CCDC82: variants seen among roughly 807,000 people sequenced by gnomAD.
CCDC82 encodes coiled-coil domain-containing protein 82.
CCDC82 carries 47 observed loss-of-function variants against 60.6 expected under a neutral mutation model. That is an observed-to-expected ratio of 0.77 (90% CI 0.61 to 0.99). CCDC82 has a LOEUF of 0.99. CCDC82 is among the 50% of genes least tolerant of loss of function. The probability of loss-of-function intolerance (pLI) is 0.00; values close to 1 mark genes in which losing one functional copy is unlikely to be tolerated. For missense variants in CCDC82, 588 were observed against 633.0 expected (o/e 0.93, Z 0.76); for synonymous variants, 212 against 207.4 (o/e 1.02, Z -0.19).
chr11:96,360,245 C>G (rs1332677021), intron 8 of CCDC82, among the ~76,000 whole-genome samples: 1 of 148,494 alleles, frequency 6.7e-6, no homozygotes, highest in African/African-American at 2.5e-5. Flanking sequence ...CTTTTTCACC[C>G]AGGCTGGAGT....
chr11:96,385,505 A>ATG, intron 3 of CCDC82: 1 of 152,522 alleles, frequency 6.6e-6, no homozygotes. Context: ...AAATGACATA[A>ATG]AGAAGACAGC....
intron 5 of CCDC82, chr11:96,381,859 G>A (rs145764465): frequency 2.0e-5 from 3 of 151,826 alleles, no homozygotes; most frequent in African/African-American, 7.2e-5. Context: ...CATTTTCATT[G>A]ATGATGTAAA....
intron 5 of CCDC82, among the ~76,000 whole-genome samples, chr11:96,373,769 A>G (rs1485651259): frequency 6.6e-6 from 1 of 152,164 alleles, no homozygotes; most frequent in Non-Finnish European, 1.5e-5. Context: ...TCCCTTGCAC[A>G]CCTATATTTA....
Position 96,356,474 on chromosome 11 carries a change from C to T in CCDC82, c.1566+2519G>A, listed in dbSNP as rs931810013. 7.1e-6 allele frequency: 7 copies of T among 985,204 alleles called. No individual in the cohort carries two copies. The African/African-American group carries it at 1.2e-4, about 17-fold the overall frequency. The allele number at this position is 985,204 out of a possible 1,614,324, so 61.0% of individuals were successfully genotyped here. A position where few individuals can be genotyped will look rare whatever the true frequency, so the allele number is the denominator to read the frequency against. On this transcript the variant is annotated intron_variant, in intron 9 of 9. Coordinates refer to ENST00000646818, the MANE Select transcript of CCDC82 (RefSeq NM_024725.4). ...TTCTATTGACATGCTTTCTTTACTA[C>T]CTGGTGTTTATGCATCCACCAGCCA...
Position 96,359,051 on chromosome 11 carries a change from A to T in CCDC82, c.1508T>A (p.Val503Asp). 6.2e-7 allele frequency: 1 copy of T among 1,609,606 alleles called. No homozygotes were observed. Among genetic ancestry groups the T allele is most frequent in the Non-Finnish European group, 8.5e-7 (1 of 1,178,856 alleles). The change falls in exon 9 of 10, where the codon GTT (valine) becomes GAT (aspartate). Residue 503 changes from valine to aspartate, a missense_variant. Physicochemically the swap from Val to Asp is radical, Grantham distance 152. Coordinates refer to ENST00000646818, the MANE Select transcript of CCDC82 (RefSeq NM_024725.4). The part of the protein sequence containing the change: ...AMTEEVEDEQ[V>D]KETVERIFRR... The stretch of plus-strand genomic sequence containing the variant: ...GAAAATTCTTTCCACTGTTTCTTTA[A>T]CTTGTTCATCTTCAACTTCTTCTGT...
intron 8 of CCDC82, chr11:96,363,540 TATC>T (rs1418805520): frequency 6.6e-6 from 1 of 152,258 alleles, no homozygotes; most frequent in Non-Finnish European, 1.5e-5. Context: ...TACTAATTGT[TATC>T]ATACTTTCAA....
chr11:96,367,225 T>G (rs963528191), intron 7 of CCDC82, among the ~76,000 whole-genome samples: 1 of 152,220 alleles, frequency 6.6e-6, no homozygotes, highest in Non-Finnish European at 1.5e-5. Context: ...CAATAAAGTT[T>G]GTTGCATCCA....
At chr11:96,382,690 T>C (rs1193290204) in intron 5 of CCDC82, 2 of 151,862 alleles carry the variant, frequency 1.3e-5, no homozygotes, top group Non-Finnish European at 2.9e-5. Context: ...TTTGGCATAG[T>C]ATCAAATGAG....
At chr11:96,357,302 G>A (rs1396984415) in intron 9 of CCDC82, 44 of 985,226 alleles carry the variant, frequency 4.5e-5, no homozygotes, top group Non-Finnish European at 5.2e-5. Flanking sequence ...TCAAAAAAAT[G>A]AAGGTCTTTG....
intron 5 of CCDC82, among the ~76,000 whole-genome samples, chr11:96,376,827 A>G (rs564598286): frequency 2.6e-5 from 4 of 152,316 alleles, no homozygotes; most frequent in Admixed American, 6.5e-5. Flanking sequence ...TTGCTAGTAT[A>G]CAAGAGAACC....
rs1865481713 is a variant in CCDC82 at position 96,374,810 on chromosome 11, T to C, written c.992-1343A>G. Among the ~76,000 whole-genome samples, 5 of 152,278 alleles carry C rather than the reference T, an allele frequency of 3.3e-5. No homozygotes were observed. The South Asian group carries it at 1.0e-3, about 32-fold the overall frequency. ...ATATTGTTGACATTTTAAACATCTCTGCCAGATATGTTATAAGCAAGTAAT... is the reference window on the plus strand; with the variant it reads ...ATATTGTTGACATTTTAAACATCTCCGCCAGATATGTTATAAGCAAGTAAT... On this transcript the variant is annotated intron_variant, in intron 5 of 9. Coordinates refer to ENST00000646818, the MANE Select transcript of CCDC82 (RefSeq NM_024725.4).
At chr11:96,365,197 A>T (rs1864882873) in intron 7 of CCDC82, 47 bp from the exon 8 acceptor site, 1 of 1,267,786 alleles carries the variant, frequency 7.9e-7, no homozygotes, top group Non-Finnish European at 1.1e-6. Context: ...AAAGAATAAA[A>T]ATAAAAGTAA....
rs1436856353 is a variant in CCDC82, at chr11:96,353,615, A to G, written c.*31T>C. On this transcript the variant is annotated 3_prime_UTR_variant, in exon 10 of 10. Transcript: ENST00000646818. ...GAATCATGATCTTCACATTTACAGG[A>G]ATTTAAAAAATCTTCTCTGATGGAA... 4.0e-6 allele frequency: 6 copies of G among 1,486,524 alleles called. No individual in the cohort carries two copies. The highest frequency in any genetic ancestry group is 5.6e-6 in the Non-Finnish European group (6 of 1,067,024). The allele number at this position is 1,486,524 out of a possible 1,614,324, so 92.1% of individuals were successfully genotyped here. A position where few individuals can be genotyped will look rare whatever the true frequency, so the allele number is the denominator to read the frequency against.
At chr11:96,379,558 T>C (rs11607024) in intron 5 of CCDC82, among the ~76,000 whole-genome samples, 8,825 of 151,860 alleles carry the variant, frequency 0.058, 318 homozygotes, top group African/African-American at 0.097. Flanking sequence ...TTGTTTTTGT[T>C]TTTTGGAAGT....
chr11:96,357,325 G>C, intron 9 of CCDC82: 2 of 985,170 alleles, frequency 2.0e-6, no homozygotes, highest in African/African-American at 3.5e-5. Flanking sequence ...ATTTTCATGG[G>C]GAAAAAAATG....
In CCDC82 at chr11:96,352,887, C is replaced by T. The variant is rs563618734; in HGVS notation, c.*759G>A. 1 of 152,148 alleles carries T rather than the reference C, an allele frequency of 6.6e-6. No homozygotes were observed. Among genetic ancestry groups the T allele is most frequent in the Non-Finnish European group, 1.5e-5 (1 of 68,020 alleles). The allele number at this position is 152,148 out of a possible 1,614,324, so 9.4% of individuals were successfully genotyped here. A position where few individuals can be genotyped will look rare whatever the true frequency, so the allele number is the denominator to read the frequency against. On this transcript the variant is annotated 3_prime_UTR_variant, in exon 10 of 10. Coordinates refer to ENST00000646818, the MANE Select transcript of CCDC82 (RefSeq NM_024725.4). ...TTTTGGCTGAGTTTGTCTCTTTCAG[C>T]AGTTCTGACCCTAAGATACATACTT...
At chr11:96,355,484 A>C (rs989506192) in intron 9 of CCDC82, 8 of 152,308 alleles carry the variant, frequency 5.3e-5, no homozygotes, top group African/African-American at 1.7e-4. Flanking sequence ...CTTAAAACGT[A>C]TTACATATCT....
chr11:96,374,386 ATATTT>A (rs1865454372), intron 5 of CCDC82, among the ~76,000 whole-genome samples: 1 of 152,214 alleles, frequency 6.6e-6, no homozygotes, highest in Non-Finnish European at 1.5e-5. Flanking sequence ...CTCTTCATTT[ATATTT>A]TAGTTACTCA....
chr11:96,363,417 C>A lies in CCDC82; in HGVS notation c.1380+1563G>T, dbSNP rs554737949. ...GAAAAAATTACTGAAAAAACAATTTCTCTTTAAAAAATTTAATCACACTCT... is the reference window on the plus strand; with the variant it reads ...GAAAAAATTACTGAAAAAACAATTTATCTTTAAAAAATTTAATCACACTCT... On this transcript the variant is annotated intron_variant, in intron 8 of 9. Transcript: ENST00000646818. 1.4e-4 allele frequency: 21 copies of A among 152,246 alleles called. 1 individual carries two copies. In the South Asian group the frequency reaches 3.5e-3, roughly 26 times the overall value. The allele number at this position is 152,246 out of a possible 1,614,324, so 9.4% of individuals were successfully genotyped here. A position where few individuals can be genotyped will look rare whatever the true frequency, so the allele number is the denominator to read the frequency against.
Sources: allele counts gnomAD v4.1 joint callset (sites outside exome capture counted in the v4.1 genomes callset), GRCh38; gene constraint gnomAD v4.1.1; transcripts MANE v1.5; gene names NCBI Gene and HGNC (gene_info 2026-07-23, HGNC 2026-07-21).